The following CPNE8 variants were observed in gnomAD, a reference collection of about 807,000 sequenced individuals.
CPNE8 encodes the protein copine-8.
A neutral mutation model predicts 81.5 loss-of-function variants in CPNE8; 45 were observed. The ratio of observed to expected loss-of-function variants is 0.55; its 90% CI spans 0.44 to 0.71. CPNE8 has a LOEUF of 0.71. Among genes scored for constraint, CPNE8 ranks in the 30% least tolerant of loss-of-function variants. The pLI is 0.00. For synonymous variants in CPNE8, 252 were observed against 226.3 expected (o/e 1.11, Z -1.02); for missense variants, 594 against 672.1 (o/e 0.88, Z 1.28).
At chr12:38,872,815 G>T (rs1944011723) in intron 3 of CPNE8, among the ~76,000 whole-genome samples, 189 bp downstream of exon 3, 1 of 152,074 alleles carries the variant, frequency 6.6e-6, no homozygotes, top group Non-Finnish European at 1.5e-5. Flanking sequence ...TCACAAGAAG[G>T]TCATAAATCA....
upstream of CPNE8, chr12:38,905,826 C>G (rs1944563433): frequency 2.0e-6 from 2 of 985,260 alleles, no homozygotes; most frequent in African/African-American, 1.7e-5. Flanking sequence ...GGACACACTC[C>G]GTGATCCCCT....
At chr12:38,830,879 A>C (rs1023935347) in intron 5 of CPNE8, among the ~76,000 whole-genome samples, 1 of 152,150 alleles carries the variant, frequency 6.6e-6, no homozygotes, top group African/African-American at 2.4e-5. Context: ...CTACTCACCT[A>C]ATCACTATGC....
intron 1 of CPNE8, among the ~76,000 whole-genome samples, chr12:38,895,798 C>T (rs752344740): frequency 1.3e-5 from 2 of 152,100 alleles, no homozygotes; most frequent in Non-Finnish European, 2.9e-5. Flanking sequence ...AAGAGCTCCA[C>T]TCTTCAAGCC....
intron 13 of CPNE8, among the ~76,000 whole-genome samples, chr12:38,714,151 C>T (rs12320497): frequency 0.011 from 1,702 of 152,060 alleles, 37 homozygotes; most frequent in African/African-American, 0.039. Flanking sequence ...GTGTGAGCTG[C>T]TGGGGATATG....
chr12:38,768,442 T>C (rs910624015), intron 7 of CPNE8, among the ~76,000 whole-genome samples: 4 of 152,186 alleles, frequency 2.6e-5, no homozygotes, highest in Non-Finnish European at 5.9e-5. Flanking sequence ...TTGATAACCA[T>C]TTTTAAAGTA....
chr12:38,750,881 A>G (rs1941341655), intron 10 of CPNE8, among the ~76,000 whole-genome samples: 1 of 152,140 alleles, frequency 6.6e-6, no homozygotes, highest in Admixed American at 6.5e-5. Flanking sequence ...GGGAGGGGCC[A>G]GGGGCAGAAT....
intron 5 of CPNE8, among the ~76,000 whole-genome samples, chr12:38,839,383 G>A (rs906596138): frequency 5.3e-5 from 8 of 151,926 alleles, no homozygotes; most frequent in East Asian, 1.9e-4. Context: ...TAGACCAAAG[G>A]AGGGACCCAA....
intron 7 of CPNE8, among the ~76,000 whole-genome samples, chr12:38,770,724 C>T (rs1013169605): frequency 2.6e-5 from 4 of 152,170 alleles, no homozygotes; most frequent in African/African-American, 7.2e-5. Context: ...CGGACCCACA[C>T]ATGCCTTTCC....
At chr12:38,739,843 TGATTC>T (rs1192328711) in intron 10 of CPNE8, among the ~76,000 whole-genome samples, 16 of 152,318 alleles carry the variant, frequency 1.1e-4, no homozygotes, top group Non-Finnish European at 2.2e-4. Flanking sequence ...TCCAATGGCT[TGATTC>T]ATTTAGTCTC....
chr12:38,698,616 T>G (rs1433076855), intron 14 of CPNE8, among the ~76,000 whole-genome samples: 1 of 152,220 alleles, frequency 6.6e-6, no homozygotes, highest in East Asian at 1.9e-4. Flanking sequence ...CTTTTGCATG[T>G]GGCTATCCAG....
chr12:38,660,438 T>C lies in CPNE8; in HGVS notation c.1507-6368A>G, dbSNP rs373782391. ...TGTAGAAAGCTGAAACAGGATCCTTTTCTTACACCTTATACAAAAATTAAT... is the reference window on the plus strand; with the variant it reads ...TGTAGAAAGCTGAAACAGGATCCTTCTCTTACACCTTATACAAAAATTAAT... On this transcript the variant is annotated intron_variant, in intron 19 of 19. Coordinates refer to ENST00000331366, the MANE Select transcript of CPNE8 (RefSeq NM_153634.3). Among the ~76,000 whole-genome samples, 125 of 152,324 alleles carry C rather than the reference T, an allele frequency of 8.2e-4. No individual in the cohort carries two copies. The East Asian group carries it at 8.9e-3, about 11-fold the overall frequency.
At chr12:38,893,106 T>C (rs967128275) in intron 1 of CPNE8, among the ~76,000 whole-genome samples, 3 of 152,108 alleles carry the variant, frequency 2.0e-5, no homozygotes, top group African/African-American at 7.2e-5. Flanking sequence ...TCAAGTGTAA[T>C]ATGGCAACAA....
intron 14 of CPNE8, among the ~76,000 whole-genome samples, chr12:38,702,473 A>T (rs1939970619): frequency 6.6e-6 from 1 of 152,146 alleles, no homozygotes. Flanking sequence ...ATATAAATTC[A>T]TACATACAAA....
At chr12:38,848,260 G>T (rs1024992027) in intron 4 of CPNE8, among the ~76,000 whole-genome samples, 7 of 152,156 alleles carry the variant, frequency 4.6e-5, no homozygotes, top group African/African-American at 1.7e-4. Flanking sequence ...GGGAGTGGAT[G>T]TGATAACTTT....
chr12:38,857,982 T>C (rs1365025469), intron 3 of CPNE8, among the ~76,000 whole-genome samples: 1 of 152,240 alleles, frequency 6.6e-6, no homozygotes, highest in Non-Finnish European at 1.5e-5. Context: ...AGCATTTACT[T>C]TGGAAAACAT....
In CPNE8 at chr12:38,704,826, GTATATATA is replaced by G. The variant is rs573232937; in HGVS notation, c.915-1913_915-1906del. ...GGACCATCTGTGTGTGTATGTATGT[GTATATATA>G]TATATATATATATATATATATATAT... On this transcript the variant is annotated intron_variant, in intron 13 of 19. Coordinates refer to ENST00000331366, the MANE Select transcript of CPNE8 (RefSeq NM_153634.3). Among the ~76,000 whole-genome samples, 63 of 50,196 alleles carry G rather than the reference GTATATATA, an allele frequency of 1.3e-3. 8 individuals are homozygous for G. In the South Asian group the frequency reaches 0.019, roughly 15 times the overall value. 32.9% of individuals were successfully genotyped at this position (50,196 alleles called of 152,430 possible). A position where few individuals can be genotyped will look rare whatever the true frequency, so the allele number is the denominator to read the frequency against.
intron 1 of CPNE8, among the ~76,000 whole-genome samples, chr12:38,901,727 C>T (rs770717242): frequency 4.6e-5 from 7 of 152,098 alleles, no homozygotes; most frequent in Non-Finnish European, 8.8e-5. Context: ...ATTTAAGTGG[C>T]TATAAATTTA....
chr12:38,696,730 A>C (rs985762039), intron 14 of CPNE8, among the ~76,000 whole-genome samples: 2 of 152,196 alleles, frequency 1.3e-5, no homozygotes, highest in African/African-American at 4.8e-5. Context: ...TAATGGCATA[A>C]GTTACGTATT....
chr12:38,674,536 T>G (rs1404739900), intron 18 of CPNE8, among the ~76,000 whole-genome samples: 1 of 152,126 alleles, frequency 6.6e-6, no homozygotes, highest in Non-Finnish European at 1.5e-5. Flanking sequence ...GTCTTAGCCT[T>G]CCTGTCTCCA....
Sources: allele counts gnomAD v4.1 joint callset (sites outside exome capture counted in the v4.1 genomes callset), GRCh38; gene constraint gnomAD v4.1.1; transcripts MANE v1.5; gene names NCBI Gene and HGNC (gene_info 2026-07-23, HGNC 2026-07-21).